DPEP2NB: variants seen among roughly 807,000 people sequenced by gnomAD.
DPEP2NB encodes the protein DPEP2 neighbor protein.
For missense variants in DPEP2NB, 117 were observed against 151.8 expected (o/e 0.77, Z 1.21); for synonymous variants, 35 against 55.3 (o/e 0.63, Z 1.63).
At position 68,013,948 on chromosome 16, in the gene DPEP2NB, C is replaced by A; in HGVS notation, c.*160G>T. On this transcript the variant is annotated 3_prime_UTR_variant, in exon 2 of 2. Transcript: ENST00000574912. ...ATTTTAAACCACAGTTTCTGAGGCT[C>A]CTTGGCCATGGGTAGTTAGCATGGA... is the stretch of plus-strand genomic sequence containing the variant. 2.0e-6 allele frequency: 1 copy of A among 503,622 alleles called. No individual in the cohort carries two copies. The allele number at this position is 503,622 out of a possible 1,614,324, so 31.2% of individuals were successfully genotyped here. A position where few individuals can be genotyped will look rare whatever the true frequency, so the allele number is the denominator to read the frequency against.
chr16:68,014,230 G>T lies in DPEP2NB; in HGVS notation c.250C>A (p.Arg84Ser). Residue 84 changes from arginine (R) to serine (S), a missense_variant, in exon 2 of 2, where the codon CGT (arginine) becomes AGT (serine). Arg to Ser is a moderately radical substitution (Grantham distance 110). Transcript: ENST00000574912. Reference sequence around the variant, plus strand: ...GTAGCTTGACGTCTCTTGGGAGCACGCCTGGGGGCTGGCTTCTCTGCTTCA... The same window carrying T: ...GTAGCTTGACGTCTCTTGGGAGCACTCCTGGGGGCTGGCTTCTCTGCTTCA... Reference protein sequence around the residue: ...KAEAEKPAPRRAPKRRQATIE... With the variant: ...KAEAEKPAPRSAPKRRQATIE... 1 of 1,231,726 alleles carries T rather than the reference G, an allele frequency of 8.1e-7. No individual in the cohort carries two copies. The highest frequency in any genetic ancestry group is 1.5e-5 in the African/African-American group (1 of 64,538). 76.3% of individuals were successfully genotyped at this position (1,231,726 alleles called of 1,614,324 possible).
In DPEP2NB at chr16:68,013,826, T is replaced by G. The variant is rs966861731; in HGVS notation, c.*282A>C. 6.5e-6 allele frequency: 2 copies of G among 309,782 alleles called. No individual in the cohort carries two copies. Among genetic ancestry groups the G allele is most frequent in the African/African-American group, 2.1e-5 (1 of 46,774 alleles). 19.2% of individuals were successfully genotyped at this position (309,782 alleles called of 1,614,324 possible). A position where few individuals can be genotyped will look rare whatever the true frequency, so the allele number is the denominator to read the frequency against. ...GCTAGCAGAGTGCAGACTATTTCTA[T>G]CTTCTGCCCAAAAAGGGACTCTGGA... On this transcript the variant is annotated 3_prime_UTR_variant, in exon 2 of 2. Transcript: ENST00000574912.
At chr16:68,015,644 A>G in intron 1 of DPEP2NB, 60 bp downstream of exon 1, 1 of 993,412 alleles carries the variant, frequency 1.0e-6, no homozygotes, top group Non-Finnish European at 1.3e-6. Context: ...GGAATGTGTC[A>G]GCCAGGTGAA....
In DPEP2NB at chr16:68,013,472, A is replaced by G. The variant is rs912451391; in HGVS notation, c.*636T>C. 1 of 151,948 alleles carries G rather than the reference A, an allele frequency of 6.6e-6. No homozygotes were observed. The highest frequency in any genetic ancestry group is 1.5e-5 in the Non-Finnish European group (1 of 67,986). The allele number at this position is 151,948 out of a possible 1,614,324, so 9.4% of individuals were successfully genotyped here. On this transcript the variant is annotated 3_prime_UTR_variant, in exon 2 of 2. Transcript: ENST00000574912. ...AATAATTTTTTTAATTTTTTTTTAA[A>G]TTGAGCAGTAGGGACCTCACTGGGG...
At chr16:68,015,524 C>A (rs1178089276) in intron 1 of DPEP2NB, among the ~76,000 whole-genome samples, 180 bp downstream of exon 1, 1 of 150,886 alleles carries the variant, frequency 6.6e-6, no homozygotes. Flanking sequence ...TTCACTTGCC[C>A]TTAGCAGGTG....
chr16:68,014,266 G>T lies in DPEP2NB; in HGVS notation c.214C>A (p.Pro72Thr). ...GGCTTCTCTGCTTCAGCCTTTGTTG[G>T]GGTGGCCAAAGGAGCATCCCCATGG... The part of the protein sequence containing the change: ...RVHGDAPLAT[P>T]TKAEAEKPAP... The change falls in exon 2 of 2, where the codon CCA becomes ACA. Residue 72 changes from proline (P) to threonine (T), a missense_variant. Pro to Thr is a conservative substitution (Grantham distance 38, BLOSUM62 -1). Coordinates refer to ENST00000574912, the MANE Select transcript of DPEP2NB (RefSeq NM_001282442.2). 1 of 1,231,712 alleles carries T rather than the reference G, an allele frequency of 8.1e-7. No homozygotes were observed. 76.3% of individuals were successfully genotyped at this position (1,231,712 alleles called of 1,614,324 possible). A position where few individuals can be genotyped will look rare whatever the true frequency, so the allele number is the denominator to read the frequency against.
chr16:68,014,234 G>T lies in DPEP2NB; in HGVS notation c.246C>A (p.Pro82=), dbSNP rs1021511568. 13 of 1,231,748 alleles carry T rather than the reference G, an allele frequency of 1.1e-5. No homozygotes were observed. Among genetic ancestry groups the T allele is most frequent in the Non-Finnish European group, 1.2e-5 (12 of 988,006 alleles). The allele number at this position is 1,231,748 out of a possible 1,614,324, so 76.3% of individuals were successfully genotyped here. Residue 82 remains proline (P), a synonymous_variant, in exon 2 of 2, where the codon CCC becomes CCA. Transcript: ENST00000574912. ...CTTGACGTCTCTTGGGAGCACGCCT[G>T]GGGGCTGGCTTCTCTGCTTCAGCCT... ...PTKAEAEKPA[P]RRAPKRRQAT...
intron 1 of DPEP2NB, among the ~76,000 whole-genome samples, chr16:68,015,254 G>C (rs1481631416): frequency 1.3e-5 from 2 of 151,112 alleles, no homozygotes; most frequent in Non-Finnish European, 1.5e-5. Flanking sequence ...TTAGCTGGGT[G>C]TGGTGGCGCG....
At chr16:68,015,005 AAAAAAG>A (rs566021700) in intron 1 of DPEP2NB, among the ~76,000 whole-genome samples, 117 of 152,180 alleles carry the variant, frequency 7.7e-4, no homozygotes, top group East Asian at 3.9e-4. Context: ...ACACTGTCTC[AAAAAAG>A]AAAAAGAAAA....
rs1307747810 is a variant in DPEP2NB at position 68,015,831 on chromosome 16, A to G, written c.-61T>C. 2.1e-6 allele frequency: 2 copies of G among 934,148 alleles called. No homozygotes were observed. The highest frequency in any genetic ancestry group is 2.8e-6 in the Non-Finnish European group (2 of 716,376). 57.9% of individuals were successfully genotyped at this position (934,148 alleles called of 1,614,324 possible). On this transcript the variant is annotated 5_prime_UTR_variant, in exon 1 of 2. Coordinates refer to ENST00000574912, the MANE Select transcript of DPEP2NB (RefSeq NM_001282442.2). ...AGAGAAATGGTAGGGAGGCTTCTCT[A>G]GGACGCAGGTGTGTAGTCACGCTGC...
In DPEP2NB at chr16:68,014,204, C is replaced by CGTAGCTT; in HGVS notation, c.269_275dup (p.Ile93SerfsTer7). The CGTAGCTT allele has an allele frequency of 8.1e-7, 1 of 1,231,748 alleles. No homozygotes were observed. Among genetic ancestry groups the CGTAGCTT allele is most frequent in the Non-Finnish European group, 1.0e-6 (1 of 987,994 alleles). The allele number at this position is 1,231,748 out of a possible 1,614,324, so 76.3% of individuals were successfully genotyped here. On this transcript the variant is annotated frameshift_variant, in exon 2 of 2. Coordinates refer to ENST00000574912, the MANE Select transcript of DPEP2NB (RefSeq NM_001282442.2). LOFTEE classifies it low-confidence loss of function (END_TRUNC). ...AACCCAGGTCTTTATCTGACTCTATCGTAGCTTGACGTCTCTTGGGAGCAC... is the reference window on the plus strand; with the variant it reads ...AACCCAGGTCTTTATCTGACTCTATCGTAGCTTGTAGCTTGACGTCTCTTGGGAGCAC...
Position 68,014,352 on chromosome 16 carries a change from C to A in DPEP2NB, c.128G>T (p.Cys43Phe). The change falls in exon 2 of 2, where the codon TGT becomes TTT. Residue 43 changes from cysteine to phenylalanine, a missense_variant. Cys to Phe is a radical substitution (Grantham distance 205, BLOSUM62 -2). Transcript: ENST00000574912. ...PGHYHVLYRGCGETQVGWHGE... is the reference protein window; with the variant it reads ...PGHYHVLYRGFGETQVGWHGE... ...ATGCCAGCCTACCTGAGTTTCTCCACACCCTCGGTAGAGAACATGGTAGTG... is the reference window on the plus strand; with the variant it reads ...ATGCCAGCCTACCTGAGTTTCTCCAAACCCTCGGTAGAGAACATGGTAGTG... 8.1e-7 allele frequency: 1 copy of A among 1,231,844 alleles called. No individual in the cohort carries two copies. The highest frequency in any genetic ancestry group is 4.1e-5 in the South Asian group (1 of 24,320). The allele number at this position is 1,231,844 out of a possible 1,614,324, so 76.3% of individuals were successfully genotyped here.
At chr16:68,014,799 A>C (rs1450959496) in intron 1 of DPEP2NB, among the ~76,000 whole-genome samples, 1 of 152,148 alleles carries the variant, frequency 6.6e-6, no homozygotes, top group South Asian at 2.1e-4. Flanking sequence ...ACTTGAGCCC[A>C]GGAGTACCAG....
Position 68,015,688 on chromosome 16 carries a change from C to A in DPEP2NB, c.67+16G>T. 8.2e-7 allele frequency: 1 copy of A among 1,224,516 alleles called. No individual in the cohort carries two copies. The highest frequency in any genetic ancestry group is 1.0e-6 in the Non-Finnish European group (1 of 981,466). 75.9% of individuals were successfully genotyped at this position (1,224,516 alleles called of 1,614,324 possible). The stretch of plus-strand genomic sequence containing the variant: ...TACAGCAACGCCTCCTGTATAGATG[C>A]CCCCTGTATGCCTACCTGCTGCGCT... On this transcript the variant is annotated intron_variant, in intron 1 of 1. Coordinates refer to ENST00000574912, the MANE Select transcript of DPEP2NB (RefSeq NM_001282442.2).
Position 68,014,185 on chromosome 16 carries a change from G to A in DPEP2NB, c.295C>T (p.Leu99=), listed in dbSNP as rs578174938. ...RQATIESDKD[L]GCSSPKIRRL... Reference sequence around the variant, plus strand: ...CGAATTTTGGGGCTAGAGCAACCCAGGTCTTTATCTGACTCTATCGTAGCT... The same window carrying A: ...CGAATTTTGGGGCTAGAGCAACCCAAGTCTTTATCTGACTCTATCGTAGCT... Residue 99 remains leucine (L), a synonymous_variant, in exon 2 of 2, where the codon CTG becomes TTG. Coordinates refer to ENST00000574912, the MANE Select transcript of DPEP2NB (RefSeq NM_001282442.2). 8.1e-7 allele frequency: 1 copy of A among 1,231,748 alleles called. No individual in the cohort carries two copies. The highest frequency in any genetic ancestry group is 3.2e-5 in the East Asian group (1 of 31,704). 76.3% of individuals were successfully genotyped at this position (1,231,748 alleles called of 1,614,324 possible).
At chr16:68,015,671 C>T (rs551480507) in intron 1 of DPEP2NB, 33 bp downstream of exon 1, 48 of 1,177,870 alleles carry the variant, frequency 4.1e-5, no homozygotes, top group Admixed American at 3.8e-4. Context: ...GGTACAGCAA[C>T]GCCTCCTGTA....
rs1433421654 is a variant in DPEP2NB at position 68,014,293 on chromosome 16, C to T, written c.187G>A (p.Val63Ile). 1 of 1,231,720 alleles carries T rather than the reference C, an allele frequency of 8.1e-7. No individual in the cohort carries two copies. The highest frequency in any genetic ancestry group is 1.6e-5 in the African/African-American group (1 of 64,412). The allele number at this position is 1,231,720 out of a possible 1,614,324, so 76.3% of individuals were successfully genotyped here. A position where few individuals can be genotyped will look rare whatever the true frequency, so the allele number is the denominator to read the frequency against. The change falls in exon 2 of 2, where the codon GTC becomes ATC. Residue 63 changes from valine to isoleucine, a missense_variant. Transcript: ENST00000574912. ...ETYCLVGGYR[V>I]HGDAPLATPT... ...GTGGCCAAAGGAGCATCCCCATGGACCCGGTAGCCACCAACCAGGCAGTAC... is the reference window on the plus strand; with the variant it reads ...GTGGCCAAAGGAGCATCCCCATGGATCCGGTAGCCACCAACCAGGCAGTAC...
At chr16:68,014,542 C>T (rs1439337333) in intron 1 of DPEP2NB, 130 bp from the exon 2 acceptor site, 2 of 511,770 alleles carry the variant, frequency 3.9e-6, no homozygotes, top group Non-Finnish European at 6.0e-6. Context: ...TGGCCTATCA[C>T]CTCTATGTGT....
At position 68,015,776 on chromosome 16, in the gene DPEP2NB, C is replaced by G. The variant is rs1429318930; in HGVS notation, c.-6G>C. On this transcript the variant is annotated 5_prime_UTR_variant, in exon 1 of 2. Coordinates refer to ENST00000574912, the MANE Select transcript of DPEP2NB (RefSeq NM_001282442.2). ...TAGAGGATCCGGTCAGTCATTCTCT[C>G]TCAGCCAACCAAACAGATTGGTATC... 2 of 1,228,652 alleles carry G rather than the reference C, an allele frequency of 1.6e-6. No individual in the cohort carries two copies. The highest frequency in any genetic ancestry group is 6.3e-5 in the East Asian group (2 of 31,720). The allele number at this position is 1,228,652 out of a possible 1,614,324, so 76.1% of individuals were successfully genotyped here. A position where few individuals can be genotyped will look rare whatever the true frequency, so the allele number is the denominator to read the frequency against.
Sources: allele counts gnomAD v4.1 joint callset (sites outside exome capture counted in the v4.1 genomes callset), GRCh38; gene constraint gnomAD v4.1.1; transcripts MANE v1.5; gene names NCBI Gene and HGNC (gene_info 2026-07-23, HGNC 2026-07-21).